NKAIN2: variants seen among roughly 807,000 people sequenced by gnomAD.
NKAIN2 encodes the protein sodium/potassium transporting ATPase interacting 2, also known as sodium/potassium-transporting ATPase subunit beta-1-interacting protein 2.
Under a neutral mutation model 32.6 loss-of-function variants are expected in NKAIN2, and 14 were observed. That is an observed-to-expected ratio of 0.43 (90% confidence interval 0.28 to 0.67). The LOEUF (loss-of-function observed/expected upper bound fraction) is 0.67. NKAIN2 is among the 30% of genes least tolerant of loss of function. NKAIN2 has a pLI of 0.17. For missense variants in NKAIN2, 198 were observed against 258.3 expected, an observed-to-expected ratio of 0.77 and a Z score of 1.60; for synonymous variants, 80 against 87.2, an observed-to-expected ratio of 0.92 and a Z score of 0.46.
At chr6:124,364,896 A>G (rs11154228) in intron 3 of NKAIN2, among the ~76,000 whole-genome samples, 35,261 of 151,890 alleles carry the variant, frequency 0.23, 4,206 homozygotes, top group Admixed American at 0.3. Flanking sequence ...ACTCAAATGC[A>G]TGACAACAAT....
Position 124,542,105 on chromosome 6 carries a change from AT to A in NKAIN2, c.274-116080del, listed in dbSNP as rs745587101. Among the ~76,000 whole-genome samples the A allele has an allele frequency of 2.5e-4, 38 of 152,128 alleles. 1 individual carries two copies. Among genetic ancestry groups the A allele is most frequent in the Admixed American group, 1.4e-3 (21 of 15,278 alleles). On this transcript the variant is annotated intron_variant, in intron 3 of 6. Coordinates refer to ENST00000368417, the MANE Select transcript of NKAIN2 (RefSeq NM_001040214.3). ...TTCAAAAAGTAAGGGAAATAGATAA[AT>A]GCTATAATGTACATTTAAGGTAAAA...
At chr6:124,536,573 T>C (rs1779722621) in intron 3 of NKAIN2, among the ~76,000 whole-genome samples, 1 of 152,138 alleles carries the variant, frequency 6.6e-6, no homozygotes, top group South Asian at 2.1e-4. Context: ...TACTTAAGAC[T>C]CGCCCAATTG....
At chr6:124,439,874 G>T (rs527356763) in intron 3 of NKAIN2, among the ~76,000 whole-genome samples, 1 of 151,660 alleles carries the variant, frequency 6.6e-6, no homozygotes, top group Non-Finnish European at 1.5e-5. Flanking sequence ...TTCCTCTCTC[G>T]ACTCATCTCA....
chr6:124,045,672 T>C (rs150290838), intron 1 of NKAIN2, among the ~76,000 whole-genome samples: 35 of 151,922 alleles, frequency 2.3e-4, no homozygotes, highest in Middle Eastern at 6.8e-3. Flanking sequence ...AACTAAATGG[T>C]GATTCATGGA....
In NKAIN2 at chr6:124,565,479, T is replaced by A. The variant is rs189447712; in HGVS notation, c.274-92707T>A. Among the ~76,000 whole-genome samples, 4 of 152,350 alleles carry A rather than the reference T, an allele frequency of 2.6e-5. No individual in the cohort carries two copies. The East Asian group carries it at 7.7e-4, about 29-fold the overall frequency. On this transcript the variant is annotated intron_variant, in intron 3 of 6. Transcript: ENST00000368417. ...TTGTAATGTGATATGTCGATTGCCA[T>A]TCTAAATAGCTATTTTATCTCAATA...
intron 4 of NKAIN2, among the ~76,000 whole-genome samples, chr6:124,754,900 A>G (rs1383753042): frequency 1.3e-5 from 2 of 152,184 alleles, no homozygotes; most frequent in African/African-American, 4.8e-5. Context: ...CCCATCAATG[A>G]TAGAGTGGAG....
intron 1 of NKAIN2, among the ~76,000 whole-genome samples, chr6:124,221,598 T>A (rs977542124): frequency 6.6e-6 from 1 of 151,848 alleles, no homozygotes. Flanking sequence ...ATAATTAAGG[T>A]AGAATGTTAC....
intron 1 of NKAIN2, among the ~76,000 whole-genome samples, chr6:124,073,327 G>A (rs945256578): frequency 6.6e-6 from 1 of 152,198 alleles, no homozygotes; most frequent in African/African-American, 2.4e-5. Context: ...CAAGCATAGA[G>A]CCTTATACGT....
At chr6:124,525,296 C>CT (rs1249591346) in intron 3 of NKAIN2, among the ~76,000 whole-genome samples, 3 of 151,062 alleles carry the variant, frequency 2.0e-5, no homozygotes, top group East Asian at 1.9e-4. Flanking sequence ...GGAGTTTAAC[C>CT]TTTTTTTTTC....
At chr6:124,025,026 GT>G (rs1781042752) in intron 1 of NKAIN2, among the ~76,000 whole-genome samples, 1 of 151,920 alleles carries the variant, frequency 6.6e-6, no homozygotes. Flanking sequence ...ACTCAAGTAT[GT>G]TTCAGATAAT....
intron 3 of NKAIN2, among the ~76,000 whole-genome samples, chr6:124,611,189 G>T (rs1293038764): frequency 6.6e-6 from 1 of 151,978 alleles, no homozygotes; most frequent in African/African-American, 2.4e-5. Context: ...ACTGGTATTA[G>T]TGTAGTCATC....
intron 4 of NKAIN2, among the ~76,000 whole-genome samples, chr6:124,745,656 TAG>T (rs1777416676): frequency 1.3e-5 from 2 of 151,906 alleles, no homozygotes; most frequent in African/African-American, 4.8e-5. Flanking sequence ...AGAATAATTG[TAG>T]AGACTTAAAT....
intron 4 of NKAIN2, among the ~76,000 whole-genome samples, chr6:124,723,407 C>G (rs954258499): frequency 1.0e-4 from 14 of 138,688 alleles, no homozygotes; most frequent in African/African-American, 3.7e-4. Flanking sequence ...ATATCTGCCT[C>G]ACTGCTGCAC....
chr6:124,326,321 T>C (rs778863342), intron 2 of NKAIN2, among the ~76,000 whole-genome samples: 3 of 152,110 alleles, frequency 2.0e-5, no homozygotes, highest in Non-Finnish European at 4.4e-5. Flanking sequence ...TTTAAAAAAA[T>C]ATAATTTTCA....
intron 3 of NKAIN2, among the ~76,000 whole-genome samples, chr6:124,510,683 T>G (rs915680666): frequency 1.3e-5 from 2 of 152,196 alleles, no homozygotes; most frequent in Non-Finnish European, 2.9e-5. Context: ...CAGCTTGTTT[T>G]GAGCTAAGTG....
chr6:124,161,812 C>T (rs181881299), intron 1 of NKAIN2, among the ~76,000 whole-genome samples: 15 of 151,968 alleles, frequency 9.9e-5, no homozygotes, highest in African/African-American at 2.4e-4. Flanking sequence ...AGGAGGGAGG[C>T]GGAAAGGATT....
chr6:124,822,784 G>A (rs1781444806), intron 6 of NKAIN2, among the ~76,000 whole-genome samples: 1 of 147,466 alleles, frequency 6.8e-6, no homozygotes, highest in Admixed American at 6.7e-5. Context: ...GCTAGACTTT[G>A]TCTAAAAAAA....
chr6:124,061,846 A>G (rs962364057), intron 1 of NKAIN2, among the ~76,000 whole-genome samples: 33 of 152,256 alleles, frequency 2.2e-4, no homozygotes, highest in African/African-American at 7.5e-4. Flanking sequence ...AAACTTAGAA[A>G]TGATATCTGT....
At chr6:124,476,004 G>A (rs1777179772) in intron 3 of NKAIN2, among the ~76,000 whole-genome samples, 2 of 151,802 alleles carry the variant, frequency 1.3e-5, no homozygotes, top group African/African-American at 4.8e-5. Context: ...GTGTGTGTAT[G>A]TATGTGTGTG....
Sources: gnomAD v4.1 joint callset for allele counts (sites outside exome capture counted in the v4.1 genomes callset) on GRCh38, gnomAD v4.1.1 for gene constraint, MANE v1.5 for transcripts, NCBI Gene and HGNC (gene_info 2026-07-23, HGNC 2026-07-21) for gene names.